Variants in ZNF565 observed in about 807,000 individuals in gnomAD.
The protein encoded by ZNF565 is zinc finger protein 565.
In ZNF565, 27 loss-of-function variants were observed where a neutral mutation model predicts 39.4. The ratio of observed to expected loss-of-function variants is 0.69; its 90% CI spans 0.51 to 0.95. The LOEUF is 0.95. Ranked by LOEUF, ZNF565 falls within the 40% of genes least tolerant of loss-of-function variation. ZNF565 has a pLI of 0.00. For synonymous variants in ZNF565, 185 were observed against 216.6 expected (o/e 0.85, Z 1.28); for missense variants, 524 against 621.1 (o/e 0.84, Z 1.66).
chr19:36,244,679 C>T (rs1408637027), intron 1 of ZNF565, among the ~76,000 whole-genome samples: 3 of 151,944 alleles, frequency 2.0e-5, no homozygotes, highest in Admixed American at 6.6e-5. Context: ...GGTGAAACCC[C>T]GTCTCTACTA....
chr19:36,239,327 C>CTTT (rs66496075), intron 1 of ZNF565, among the ~76,000 whole-genome samples: 1 of 141,910 alleles, frequency 7.0e-6, no homozygotes, highest in Non-Finnish European at 1.5e-5. Flanking sequence ...TTGATAATAT[C>CTTT]TTTTTTTTTT....
chr19:36,201,721 C>T (rs578107983), intron 2 of ZNF565, among the ~76,000 whole-genome samples: 4 of 152,180 alleles, frequency 2.6e-5, no homozygotes, highest in Non-Finnish European at 4.4e-5. Context: ...GCAATCGGCC[C>T]ACCTCAGCCT....
chr19:36,206,879 C>T (rs1485045078), intron 1 of ZNF565, among the ~76,000 whole-genome samples: 1 of 151,994 alleles, frequency 6.6e-6, no homozygotes, highest in Admixed American at 6.6e-5. Flanking sequence ...TGGCAAATGT[C>T]CTACAGATAA....
At chr19:36,193,502 G>A (rs1369052080) in intron 4 of ZNF565, among the ~76,000 whole-genome samples, 12 of 145,994 alleles carry the variant, frequency 8.2e-5, no homozygotes, top group Middle Eastern at 3.7e-3. Context: ...GTGCAGTGGC[G>A]CGATCTCGGC....
chr19:36,236,724 C>G (rs1391273589), intron 1 of ZNF565: 1 of 1,614,172 alleles, frequency 6.2e-7, no homozygotes, highest in Non-Finnish European at 8.5e-7. Context: ...AAAATTCACA[C>G]TGGAGAAAAA....
At position 36,190,725 on chromosome 19, in the gene ZNF565, G is replaced by A. The variant is rs572528994; in HGVS notation, c.232+3508C>T. Among the ~76,000 whole-genome samples the A allele has an allele frequency of 2.0e-5, 3 of 152,210 alleles. No homozygotes were observed. In the East Asian group the frequency reaches 5.8e-4, roughly 29 times the overall value. On this transcript the variant is annotated intron_variant, in intron 4 of 4. Coordinates refer to ENST00000304116, the MANE Select transcript of ZNF565 (RefSeq NM_152477.5). ...AGGCCAGGTGCGGTGGCTCATGCCT[G>A]TAATCCCAGCACTTTGGGAGTTTTG...
Position 36,183,207 on chromosome 19 carries a change from A to T in ZNF565, c.759T>A (p.Cys253Ter). ...RLHTGVKPYE[C>*]KECGKTFRQH... ...GCCTAAAGGTCTTCCCACATTCTTT[A>T]CATTCATAAGGTTTGACACCAGTAT... The change falls in exon 5 of 5, where the codon TGT becomes TGA. Residue 253 changes from cysteine (C) to a stop codon, truncating the protein, a stop_gained. Transcript: ENST00000304116. LOFTEE classifies it high-confidence loss of function. The T allele has an allele frequency of 6.2e-7, 1 of 1,614,116 alleles. No individual in the cohort carries two copies. Among genetic ancestry groups the T allele is most frequent in the Non-Finnish European group, 8.5e-7 (1 of 1,180,032 alleles).
At position 36,188,533 on chromosome 19, in the gene ZNF565, G is replaced by A. The variant is rs377008421; in HGVS notation, c.233-4800C>T. On this transcript the variant is annotated intron_variant, in intron 4 of 4. Coordinates refer to ENST00000304116, the MANE Select transcript of ZNF565 (RefSeq NM_152477.5). The stretch of plus-strand genomic sequence containing the variant: ...TCGAGACCAGCCTGGCCAATGTGGC[G>A]AAACCCCGTCTCTACTAAAAATGCT... Among the ~76,000 whole-genome samples the A allele has an allele frequency of 3.2e-4, 49 of 151,742 alleles. No individual in the cohort carries two copies. In the East Asian group the frequency reaches 7.6e-3, roughly 23 times the overall value.
intron 1 of ZNF565, among the ~76,000 whole-genome samples, chr19:36,203,192 G>C (rs1019999510): frequency 2.6e-5 from 4 of 151,724 alleles, no homozygotes; most frequent in Admixed American, 2.6e-4. Flanking sequence ...AAAAATTAGC[G>C]GGGCGTGGTG....
chr19:36,185,642 T>C (rs1440339426), intron 4 of ZNF565, among the ~76,000 whole-genome samples: 2 of 151,806 alleles, frequency 1.3e-5, no homozygotes, highest in Non-Finnish European at 2.9e-5. Flanking sequence ...GGTTCTTCCA[T>C]CTATCAAGAA....
intron 1 of ZNF565, among the ~76,000 whole-genome samples, chr19:36,244,825 T>TG (rs1270754464): frequency 1.4e-5 from 2 of 141,324 alleles, no homozygotes; most frequent in African/African-American, 5.3e-5. Flanking sequence ...CCCTCCAGCC[T>TG]GGCGACAGAG....
rs1373536231 is a variant in ZNF565, at chr19:36,182,471, C to G, written c.1495G>C (p.Gly499Arg). 36 of 1,556,694 alleles carry G rather than the reference C, an allele frequency of 2.3e-5. No individual in the cohort carries two copies. The highest frequency in any genetic ancestry group is 3.1e-5 in the Non-Finnish European group (36 of 1,152,676). The stretch of plus-strand genomic sequence containing the variant: ...TCCCTTACACTCAAGGCTTTCTAAC[C>G]AGTATGAATTCTGTAGTGTTCAATG... Reference protein sequence around the residue: ...QLIEHYRIHTG With the variant: ...QLIEHYRIHTR The change falls in exon 5 of 5, where the codon GGT (glycine) becomes CGT (arginine). Residue 499 changes from glycine to arginine, a missense_variant. By Grantham distance (125) the Gly-to-Arg change is moderately radical (BLOSUM62 -2). Coordinates refer to ENST00000304116, the MANE Select transcript of ZNF565 (RefSeq NM_152477.5).
At chr19:36,206,862 T>C (rs1976175111) in intron 1 of ZNF565, among the ~76,000 whole-genome samples, 1 of 152,124 alleles carries the variant, frequency 6.6e-6, no homozygotes, top group Non-Finnish European at 1.5e-5. Context: ...TATATATAGA[T>C]GTCAGGTGGC....
Position 36,182,446 on chromosome 19 carries a change from TC to T in ZNF565, c.*19del. ...AACTCCACATAAAGGCTTATCTTTA[TC>T]CCTTACACTCAAGGCTTTCTAACCA... On this transcript the variant is annotated 3_prime_UTR_variant, in exon 5 of 5. Coordinates refer to ENST00000304116, the MANE Select transcript of ZNF565 (RefSeq NM_152477.5). 1 of 1,532,752 alleles carries T rather than the reference TC, an allele frequency of 6.5e-7. No homozygotes were observed. Among genetic ancestry groups the T allele is most frequent in the African/African-American group, 1.4e-5 (1 of 72,282 alleles). 94.9% of individuals were successfully genotyped at this position (1,532,752 alleles called of 1,614,324 possible).
chr19:36,228,117 AC>A (rs1474951492), intron 1 of ZNF565, among the ~76,000 whole-genome samples: 1 of 150,490 alleles, frequency 6.6e-6, no homozygotes, highest in South Asian at 2.1e-4. Context: ...CTGAGATTGC[AC>A]AATTGCACTC....
At chr19:36,197,271 CA>C (rs201126947) in intron 2 of ZNF565, among the ~76,000 whole-genome samples, 1 of 150,152 alleles carries the variant, frequency 6.7e-6, no homozygotes, top group Admixed American at 6.7e-5. Flanking sequence ...GACTCTGTCT[CA>C]AAAAAAACAA....
intron 4 of ZNF565, among the ~76,000 whole-genome samples, chr19:36,186,594 A>T (rs1975308724): frequency 6.6e-6 from 1 of 151,232 alleles, no homozygotes; most frequent in African/African-American, 2.4e-5. Context: ...TCGAAACCAG[A>T]CTGGGCAACA....
intron 1 of ZNF565, among the ~76,000 whole-genome samples, chr19:36,239,169 A>C (rs1461491999): frequency 6.6e-6 from 1 of 152,142 alleles, no homozygotes; most frequent in Non-Finnish European, 1.5e-5. Flanking sequence ...CATTTTGCAG[A>C]ATGAGCTTAG....
chr19:36,217,660 G>A (rs1449776337), upstream of ZNF565, among the ~76,000 whole-genome samples: 3 of 151,952 alleles, frequency 2.0e-5, no homozygotes, highest in East Asian at 2.0e-4. Context: ...CAACGCAGGC[G>A]GATCACCTGA....
Sources: gnomAD v4.1 joint callset for allele counts (sites outside exome capture counted in the v4.1 genomes callset) on GRCh38, gnomAD v4.1.1 for gene constraint, MANE v1.5 for transcripts, NCBI Gene and HGNC (gene_info 2026-07-23, HGNC 2026-07-21) for gene names.